Variants in ATP6V0A4 observed in about 807,000 individuals in gnomAD.
ATP6V0A4 encodes the protein ATPase H+ transporting V0 subunit a4.
ATP6V0A4 carries 86 observed loss-of-function variants against 107.3 expected under a neutral mutation model. The observed-to-expected ratio is 0.80, with a 90% CI of 0.67 to 0.96. The LOEUF is 0.96. Among genes scored for constraint, ATP6V0A4 ranks in the 40% least tolerant of loss-of-function variants. The pLI is 0.00. For missense variants in ATP6V0A4, 908 were observed against 1,045.6 expected (o/e 0.87, Z 1.81); for synonymous variants, 353 against 381.4 (o/e 0.93, Z 0.87).
intron 21 of ATP6V0A4, among the ~76,000 whole-genome samples, chr7:138,707,259 A>C (rs1803468929): frequency 1.2e-5 from 1 of 86,778 alleles, no homozygotes; most frequent in South Asian, 2.8e-4. Flanking sequence ...TATAGAATAT[A>C]TATTATATTA....
In ATP6V0A4 at chr7:138,744,158, G is replaced by A. The variant is rs372691205; in HGVS notation, c.1478+965C>T. Among the ~76,000 whole-genome samples, 151 of 151,996 alleles carry A rather than the reference G, an allele frequency of 9.9e-4. 1 individual carries two copies. In the Middle Eastern group the frequency reaches 0.014, roughly 14 times the overall value. On this transcript the variant is annotated intron_variant, in intron 14 of 21. Transcript: ENST00000310018. The stretch of plus-strand genomic sequence containing the variant: ...TACAGTACCCACATATCCTTACCAG[G>A]TGTCCCCTGCCCCCAACTCTGTCAG...
At position 138,784,238 on chromosome 7, in the gene ATP6V0A4, A is replaced by ATG. The variant is rs1554402589; in HGVS notation, c.-18+1919_-18+1920insCA. On this transcript the variant is annotated intron_variant, in intron 2 of 21. Coordinates refer to ENST00000310018, the MANE Select transcript of ATP6V0A4 (RefSeq NM_020632.3). ...ATTATATATATATATATATATACGT[A>ATG]TATATATATATATACATATATATAT... is the stretch of plus-strand genomic sequence containing the variant. Among the ~76,000 whole-genome samples the ATG allele has an allele frequency of 8.2e-4, 40 of 49,004 alleles. 1 individual carries two copies. Among genetic ancestry groups the ATG allele is most frequent in the Admixed American group, 1.1e-3 (4 of 3,632 alleles). The allele number at this position is 49,004 out of a possible 152,430, so 32.1% of individuals were successfully genotyped here. A position where few individuals can be genotyped will look rare whatever the true frequency, so the allele number is the denominator to read the frequency against.
At position 138,728,428 on chromosome 7, in the gene ATP6V0A4, C is replaced by T. The variant is rs556385389; in HGVS notation, c.2010+333G>A. The stretch of plus-strand genomic sequence containing the variant: ...TTTTAGTAGAGATGGGGTTTCGCCA[C>T]GTTAGCCAGGCTGGTCTCAAACTCC... On this transcript the variant is annotated intron_variant, in intron 18 of 21. Transcript: ENST00000310018. Among the ~76,000 whole-genome samples the T allele has an allele frequency of 7.9e-5, 12 of 151,950 alleles. No individual in the cohort carries two copies. The Middle Eastern group carries it at 0.01, about 129-fold the overall frequency.
chr7:138,768,799 C>T lies in ATP6V0A4; in HGVS notation c.272G>A (p.Arg91Gln), dbSNP rs942093055. The T allele has an allele frequency of 1.8e-5, 29 of 1,614,154 alleles. No homozygotes were observed. Among genetic ancestry groups the T allele is most frequent in the Non-Finnish European group, 2.3e-5 (27 of 1,180,030 alleles). Residue 91 changes from arginine to glutamine, a missense_variant, in exon 5 of 22, where the codon CGG becomes CAG. Arg to Gln is a conservative substitution (Grantham distance 43). Transcript: ENST00000310018. ...LEKSPLTPLP[R>Q]EMITLETVLE... ...ACTTACCTCCAGGGTAATCATTTCC[C>T]GTGGGAGCGGGGTCAGTGGGCTTTT...
chr7:138,739,455 G>A, intron 15 of ATP6V0A4, 85 bp downstream of exon 15: 4 of 1,495,406 alleles, frequency 2.7e-6, no homozygotes, highest in Non-Finnish European at 3.7e-6. Flanking sequence ...GATTTGACAG[G>A]CTTTGTTGGC....
intron 18 of ATP6V0A4, among the ~76,000 whole-genome samples, chr7:138,726,669 C>T (rs183523697): frequency 8.5e-5 from 13 of 152,250 alleles, no homozygotes; most frequent in African/African-American, 3.1e-4. Flanking sequence ...ATTATAGGAC[C>T]ATCTCTTGAA....
At chr7:138,780,568 C>T (rs982921167) in intron 2 of ATP6V0A4, among the ~76,000 whole-genome samples, 1 of 152,110 alleles carries the variant, frequency 6.6e-6, no homozygotes, top group Non-Finnish European at 1.5e-5. Flanking sequence ...TCAGCAGTGG[C>T]AACAGCCAGG....
At chr7:138,772,661 T>C (rs10249771) in intron 2 of ATP6V0A4, among the ~76,000 whole-genome samples, 2,833 of 152,266 alleles carry the variant, frequency 0.019, 99 homozygotes, top group African/African-American at 0.064. Context: ...AAAGTTTAAC[T>C]GTGAAACTGG....
chr7:138,762,318 T>C, intron 7 of ATP6V0A4, 22 bp downstream of exon 7: 7 of 1,613,694 alleles, frequency 4.3e-6, no homozygotes, highest in Non-Finnish European at 5.9e-6. Context: ...GGGACCCATC[T>C]ACACACAAGA....
chr7:138,759,052 ATTTT>A (rs33940158), intron 8 of ATP6V0A4, among the ~76,000 whole-genome samples: 5 of 54,564 alleles, frequency 9.2e-5, no homozygotes, highest in African/African-American at 2.6e-4. Context: ...TGCCCAGCCT[ATTTT>A]TTTTTTTTTT....
chr7:138,707,621 C>T (rs1276894626), intron 21 of ATP6V0A4, among the ~76,000 whole-genome samples: 1 of 150,526 alleles, frequency 6.6e-6, no homozygotes, highest in Non-Finnish European at 1.5e-5. Context: ...AGGCTGGTCT[C>T]GAACTCCTGA....
chr7:138,751,059 T>G (rs1806199037), intron 11 of ATP6V0A4, among the ~76,000 whole-genome samples: 1 of 152,042 alleles, frequency 6.6e-6, no homozygotes, highest in Non-Finnish European at 1.5e-5. Flanking sequence ...CAGAGAGGGT[T>G]TCTTCAGATA....
intron 5 of ATP6V0A4, among the ~76,000 whole-genome samples, chr7:138,767,248 C>A (rs948392917): frequency 6.6e-6 from 1 of 152,188 alleles, no homozygotes; most frequent in Non-Finnish European, 1.5e-5. Context: ...ACAGGCCAGG[C>A]GAGGTGGCTC....
intron 10 of ATP6V0A4, among the ~76,000 whole-genome samples, chr7:138,753,887 C>A (rs555508652): frequency 6.6e-6 from 1 of 152,186 alleles, no homozygotes; most frequent in Non-Finnish European, 1.5e-5. Flanking sequence ...CAGCATCAGA[C>A]AGTGTCTAAG....
intron 20 of ATP6V0A4, among the ~76,000 whole-genome samples, chr7:138,711,312 C>T (rs1803732574): frequency 6.6e-6 from 1 of 152,212 alleles, no homozygotes. Context: ...AACTGCCCTA[C>T]AAGGGCTCTC....
intron 19 of ATP6V0A4, among the ~76,000 whole-genome samples, chr7:138,721,451 A>C (rs1190124172): frequency 1.3e-5 from 2 of 152,124 alleles, no homozygotes; most frequent in African/African-American, 4.8e-5. Context: ...AGGCAGGAGA[A>C]TCACTTGAGC....
In ATP6V0A4 at chr7:138,749,168, T is replaced by G. The variant is rs1806104138; in HGVS notation, c.1179A>C (p.Pro393=). The G allele has an allele frequency of 6.2e-7, 1 of 1,614,072 alleles. No individual in the cohort carries two copies. ...YGVGSYREIN[P]APYTIITFPF... Reference sequence around the variant, plus strand: ...TCGTGCAGTTCATCAGATCTTTACCTGGGTTTATCTCCCGGTAGCTGCCGA... The same window carrying G: ...TCGTGCAGTTCATCAGATCTTTACCGGGGTTTATCTCCCGGTAGCTGCCGA... Residue 393 remains proline (P), a splice_region_variant and synonymous_variant, in exon 12 of 22, where the codon CCA becomes CCC. Coordinates refer to ENST00000310018, the MANE Select transcript of ATP6V0A4 (RefSeq NM_020632.3).
intron 11 of ATP6V0A4, among the ~76,000 whole-genome samples, chr7:138,750,706 G>A (rs1806179324): frequency 6.6e-6 from 1 of 152,160 alleles, no homozygotes. Context: ...GCCTCCCAGC[G>A]CTCTGCGCAT....
At chr7:138,725,424 G>T (rs2117220708) in intron 18 of ATP6V0A4, among the ~76,000 whole-genome samples, 1 of 152,316 alleles carries the variant, frequency 6.6e-6, no homozygotes, top group Non-Finnish European at 1.5e-5. Flanking sequence ...TTTAAATACA[G>T]TTCAAGAACA....
Sources: allele counts gnomAD v4.1 joint callset (sites outside exome capture counted in the v4.1 genomes callset), GRCh38; gene constraint gnomAD v4.1.1; transcripts MANE v1.5; gene names NCBI Gene and HGNC (gene_info 2026-07-23, HGNC 2026-07-21).